RIC8B: variants seen among roughly 807,000 people sequenced by gnomAD.
The protein encoded by RIC8B is RIC8 guanine nucleotide exchange factor B, also known as chaperone Ric-8B.
RIC8B carries 16 observed loss-of-function variants against 57.5 expected under a neutral mutation model. The ratio of observed to expected loss-of-function variants is 0.28; its 90% CI spans 0.19 to 0.42. RIC8B has a LOEUF of 0.42. RIC8B is among the 10% of genes least tolerant of loss of function. The probability of loss-of-function intolerance (pLI) is 1.00; values close to 1 mark genes in which losing one functional copy is unlikely to be tolerated. For missense variants in RIC8B, 481 were observed against 677.0 expected (o/e 0.71, Z 3.21); for synonymous variants, 216 against 250.8 (o/e 0.86, Z 1.31).
intron 1 of RIC8B, among the ~76,000 whole-genome samples, chr12:106,775,124 T>C (rs546221787): frequency 2.6e-4 from 39 of 152,288 alleles, no homozygotes; most frequent in Non-Finnish European, 4.6e-4. Context: ...TGTGCATCTG[T>C]GCCCCGTGCC....
At chr12:106,808,282 G>C (rs1295896907) in intron 2 of RIC8B, among the ~76,000 whole-genome samples, 1 of 152,136 alleles carries the variant, frequency 6.6e-6, no homozygotes, top group African/African-American at 2.4e-5. Flanking sequence ...CTTTATATTA[G>C]GGACTTGAGC....
At chr12:106,824,747 GA>G (rs982930727) in intron 3 of RIC8B, among the ~76,000 whole-genome samples, 5 of 147,850 alleles carry the variant, frequency 3.4e-5, no homozygotes, top group South Asian at 2.2e-4. Context: ...AATACAAAAA[GA>G]AAAAAAAAAT....
intron 6 of RIC8B, among the ~76,000 whole-genome samples, chr12:106,848,461 G>A (rs1280766625): frequency 2.6e-5 from 4 of 152,284 alleles, no homozygotes; most frequent in Admixed American, 1.3e-4. Flanking sequence ...TAGCCACTAT[G>A]TAGAAAATGA....
At chr12:106,858,653 AG>A (rs1949807704) in intron 7 of RIC8B, among the ~76,000 whole-genome samples, 1 of 152,138 alleles carries the variant, frequency 6.6e-6, no homozygotes, top group South Asian at 2.1e-4. Context: ...GCACCCACTG[AG>A]AATTATTACA....
chr12:106,792,036 ATGTTT>A (rs2044280066), intron 2 of RIC8B, among the ~76,000 whole-genome samples: 1 of 152,168 alleles, frequency 6.6e-6, no homozygotes, highest in South Asian at 2.1e-4. Flanking sequence ...GCTTGAGGGA[ATGTTT>A]TGTTACATAG....
intron 3 of RIC8B, among the ~76,000 whole-genome samples, chr12:106,815,981 C>T (rs1031571352): frequency 3.3e-5 from 5 of 152,246 alleles, no homozygotes; most frequent in African/African-American, 7.2e-5. Flanking sequence ...CCCAAAGTGA[C>T]GCAGATTTGA....
chr12:106,879,813 T>A lies in RIC8B; in HGVS notation c.1572-6091T>A. 1.0e-6 allele frequency: 1 copy of A among 985,220 alleles called. No homozygotes were observed. Among genetic ancestry groups the A allele is most frequent in the Non-Finnish European group, 1.2e-6 (1 of 829,770 alleles). The allele number at this position is 985,220 out of a possible 1,614,324, so 61.0% of individuals were successfully genotyped here. A position where few individuals can be genotyped will look rare whatever the true frequency, so the allele number is the denominator to read the frequency against. ...GAGGCTTATCTCTTCCCTGGCCAGA[T>A]GCCTGATCAGATGAGAAGCCCGCCA... On this transcript the variant is annotated intron_variant, in intron 9 of 9. Coordinates refer to ENST00000392837, the MANE Select transcript of RIC8B (RefSeq NM_001330145.2). This position sits in a 1 kb window ranked among gnomAD's most constrained non-coding sequence, Gnocchi z 4.9.
At chr12:106,847,759 G>T (rs1470495836) in intron 6 of RIC8B, among the ~76,000 whole-genome samples, 1 of 152,162 alleles carries the variant, frequency 6.6e-6, no homozygotes, top group Non-Finnish European at 1.5e-5. Flanking sequence ...TGCACAGTAA[G>T]TTCTTATTTG....
rs116586947 is a variant in RIC8B at position 106,886,155 on chromosome 12, A to G, written c.*140A>G. The G allele has an allele frequency of 2.3e-3, 1,490 of 642,142 alleles. 20 individuals are homozygous for G. The African/African-American group carries it at 0.025, about 11-fold the overall frequency. The allele number at this position is 642,142 out of a possible 1,614,324, so 39.8% of individuals were successfully genotyped here. A position where few individuals can be genotyped will look rare whatever the true frequency, so the allele number is the denominator to read the frequency against. On this transcript the variant is annotated 3_prime_UTR_variant, in exon 10 of 10. Coordinates refer to ENST00000392837, the MANE Select transcript of RIC8B (RefSeq NM_001330145.2). ...CTGGTTTACTCATTGAGAATCCAGC[A>G]TATTTAAGAGGTGACCCTGTGTTTT... is the stretch of plus-strand genomic sequence containing the variant.
intron 4 of RIC8B, among the ~76,000 whole-genome samples, chr12:106,829,555 T>C (rs2046264568): frequency 6.6e-6 from 1 of 152,252 alleles, no homozygotes; most frequent in Non-Finnish European, 1.5e-5. Flanking sequence ...CATAATACAG[T>C]ACCTAATAAC....
At chr12:106,882,628 G>T (rs1950998332) in intron 9 of RIC8B, among the ~76,000 whole-genome samples, 1 of 152,116 alleles carries the variant, frequency 6.6e-6, no homozygotes, top group Non-Finnish European at 1.5e-5. Context: ...GGAGAACCAG[G>T]ACTTCAGACA....
At chr12:106,869,485 G>T (rs1350308255) in intron 8 of RIC8B, among the ~76,000 whole-genome samples, 20 of 150,900 alleles carry the variant, frequency 1.3e-4, no homozygotes, top group African/African-American at 4.4e-4. Context: ...CCGTTTTCCA[G>T]TTGATCTCAA....
At chr12:106,820,888 C>G (rs1048930854) in intron 3 of RIC8B, among the ~76,000 whole-genome samples, 2 of 152,236 alleles carry the variant, frequency 1.3e-5, no homozygotes, top group East Asian at 3.9e-4. Flanking sequence ...TTTAATGTTA[C>G]CTCATTTCGA....
intron 1 of RIC8B, among the ~76,000 whole-genome samples, 182 bp from the exon 2 acceptor site, chr12:106,783,815 T>A (rs1439204139): frequency 6.6e-6 from 1 of 152,240 alleles, no homozygotes; most frequent in Admixed American, 6.5e-5. Flanking sequence ...TCTGCTGTAG[T>A]CTTTTCACAC....
chr12:106,834,983 CAAAAAAAA>C (rs71072695), intron 4 of RIC8B, among the ~76,000 whole-genome samples: 8 of 31,314 alleles, frequency 2.6e-4, no homozygotes, highest in South Asian at 2.7e-3. Flanking sequence ...GACTCTGTCT[CAAAAAAAA>C]AAAAAAAAAA....
intron 3 of RIC8B, among the ~76,000 whole-genome samples, chr12:106,819,823 A>T (rs1216002): frequency 0.68 from 101,032 of 148,532 alleles, 36,006 homozygotes; most frequent in African/African-American, 0.91. Context: ...CTTATATATT[A>T]TATACTTAGA....
chr12:106,820,769 A>G (rs2045804621), intron 3 of RIC8B, among the ~76,000 whole-genome samples: 1 of 152,238 alleles, frequency 6.6e-6, no homozygotes, highest in Admixed American at 6.5e-5. Flanking sequence ...GGTTAGTTCC[A>G]TGCTTATTTT....
chr12:106,834,145 G>A (rs2046482005), intron 4 of RIC8B, among the ~76,000 whole-genome samples: 1 of 152,118 alleles, frequency 6.6e-6, no homozygotes, highest in Non-Finnish European at 1.5e-5. Context: ...AGTACTTAAG[G>A]CAAGACTCCT....
intron 9 of RIC8B, 59 bp from the exon 10 acceptor site, chr12:106,885,845 G>C: frequency 9.6e-7 from 1 of 1,046,060 alleles, no homozygotes; most frequent in Non-Finnish European, 1.5e-6. Flanking sequence ...GGGGGGGAGG[G>C]GTGTGTGTGT....
Sources: allele counts gnomAD v4.1 joint callset (sites outside exome capture counted in the v4.1 genomes callset), GRCh38; gene constraint gnomAD v4.1.1; non-coding constraint Gnocchi (gnomAD v3.1); transcripts MANE v1.5; gene names NCBI Gene and HGNC (gene_info 2026-07-23, HGNC 2026-07-21).